COA1: variants seen among roughly 807,000 people sequenced by gnomAD.
COA1 encodes cytochrome c oxidase assembly factor 1 homolog.
In COA1, 13 loss-of-function variants were observed where a neutral mutation model predicts 16.0. That is an observed-to-expected ratio of 0.81 (90% CI 0.53 to 1.29). COA1 has a LOEUF of 1.29. COA1 is among the 50% of genes most tolerant of loss of function. The probability of loss-of-function intolerance (pLI) is 0.00; values close to 1 mark genes in which losing one functional copy is unlikely to be tolerated. For synonymous variants in COA1, 65 were observed against 65.7 expected (o/e 0.99, Z 0.05); for missense variants, 179 against 177.0 (o/e 1.01, Z -0.06).
chr7:43,623,647 C>A, intron 6 of COA1: 2 of 1,607,546 alleles, frequency 1.2e-6, no homozygotes, highest in South Asian at 2.2e-5. Context: ...AAAAATTGAT[C>A]AAATTAGTTT....
chr7:43,692,433 G>A (rs576357013), intron 1 of COA1, among the ~76,000 whole-genome samples: 4 of 152,046 alleles, frequency 2.6e-5, no homozygotes, highest in Non-Finnish European at 5.9e-5. Flanking sequence ...TGGGAAGATC[G>A]ATTGAGCCCA....
intron 1 of COA1, among the ~76,000 whole-genome samples, chr7:43,701,631 G>C (rs2094744653): frequency 6.6e-6 from 1 of 152,082 alleles, no homozygotes; most frequent in Non-Finnish European, 1.5e-5. Context: ...TCAGTAATGA[G>C]ATTGGTAGTT....
chr7:43,616,408 A>T (rs1411887586), intron 6 of COA1, among the ~76,000 whole-genome samples: 1 of 152,154 alleles, frequency 6.6e-6, no homozygotes, highest in Non-Finnish European at 1.5e-5. Context: ...TCTTCCATTC[A>T]TTCACCCAAC....
intron 6 of COA1, among the ~76,000 whole-genome samples, chr7:43,610,346 CAAAAAAAAA>C (rs138859141): frequency 1.7e-4 from 7 of 41,312 alleles, no homozygotes; most frequent in African/African-American, 6.5e-4. Context: ...GACTCCGTCT[CAAAAAAAAA>C]AAAAAAAAAA....
intron 6 of COA1, chr7:43,619,663 T>C (rs1462257064): frequency 6.2e-7 from 1 of 1,614,180 alleles, no homozygotes; most frequent in South Asian, 1.1e-5. Context: ...TTTTGGCCTT[T>C]CAAGAATATT....
intron 6 of COA1, among the ~76,000 whole-genome samples, chr7:43,626,978 T>C (rs1484884951): frequency 6.6e-6 from 1 of 152,188 alleles, no homozygotes; most frequent in Admixed American, 6.5e-5. Context: ...AGAGCCTTCA[T>C]AGTATTAGGC....
chr7:43,698,464 A>C (rs530233330), intron 1 of COA1, among the ~76,000 whole-genome samples: 1 of 152,338 alleles, frequency 6.6e-6, no homozygotes, highest in African/African-American at 2.4e-5. Flanking sequence ...TTGTAATTCA[A>C]GGTTTCCTCG....
intron 1 of COA1, among the ~76,000 whole-genome samples, chr7:43,674,558 T>C (rs1257236127): frequency 6.6e-6 from 1 of 152,220 alleles, no homozygotes; most frequent in Non-Finnish European, 1.5e-5. Flanking sequence ...ACTGCAATGA[T>C]ATTACTGTGG....
At chr7:43,714,865 G>T (rs944462937) in intron 1 of COA1, among the ~76,000 whole-genome samples, 1 of 151,550 alleles carries the variant, frequency 6.6e-6, no homozygotes, top group African/African-American at 2.4e-5. Context: ...AAATTTAGCT[G>T]GACATGGTGG....
chr7:43,728,606 C>T (rs2095669403), intron 1 of COA1, among the ~76,000 whole-genome samples: 2 of 152,162 alleles, frequency 1.3e-5, no homozygotes, highest in Admixed American at 1.3e-4. Flanking sequence ...CCCTGTAGGC[C>T]CTTGAAGTTA....
intron 1 of COA1, among the ~76,000 whole-genome samples, chr7:43,703,175 T>C (rs961428943): frequency 6.6e-6 from 1 of 152,174 alleles, no homozygotes; most frequent in African/African-American, 2.4e-5. Flanking sequence ...TTGAGTTCTA[T>C]TTTTATTGCA....
chr7:43,701,422 A>G (rs1458548458), intron 1 of COA1, among the ~76,000 whole-genome samples: 2 of 152,164 alleles, frequency 1.3e-5, no homozygotes, highest in East Asian at 3.8e-4. Flanking sequence ...AGCTGCATTC[A>G]TGTTGCTGTA....
At chr7:43,611,560 C>T (rs1330497883) in intron 6 of COA1, among the ~76,000 whole-genome samples, 1 of 152,128 alleles carries the variant, frequency 6.6e-6, no homozygotes, top group Non-Finnish European at 1.5e-5. Context: ...TTCAGTGTGT[C>T]ATATGCATAA....
chr7:43,698,494 T>C (rs915663295), intron 1 of COA1, among the ~76,000 whole-genome samples: 3 of 152,214 alleles, frequency 2.0e-5, no homozygotes, highest in African/African-American at 7.2e-5. Flanking sequence ...AACACAGATA[T>C]TGAAAACTTG....
At chr7:43,723,210 T>C (rs2095545798) in intron 1 of COA1, among the ~76,000 whole-genome samples, 2 of 152,200 alleles carry the variant, frequency 1.3e-5, no homozygotes. Flanking sequence ...CATGCAATCT[T>C]AGTTTTCTAA....
At chr7:43,639,907 G>A (rs1331725409) in intron 5 of COA1, among the ~76,000 whole-genome samples, 1 of 152,126 alleles carries the variant, frequency 6.6e-6, no homozygotes, top group Admixed American at 6.5e-5. Flanking sequence ...ACTGACAGGC[G>A]AATGGAAGGG....
intron 1 of COA1, among the ~76,000 whole-genome samples, chr7:43,710,237 T>C (rs1444912863): frequency 2.0e-5 from 3 of 148,630 alleles, no homozygotes; most frequent in Admixed American, 1.4e-4. Context: ...TAATCCCAGC[T>C]ACTTGGGAGG....
intron 1 of COA1, among the ~76,000 whole-genome samples, chr7:43,665,006 G>A (rs2092780649): frequency 6.6e-6 from 1 of 151,970 alleles, no homozygotes. Flanking sequence ...AGTCAAATAG[G>A]TGAATTGCTC....
chr7:43,612,721 G>T (rs1020051958), intron 6 of COA1, among the ~76,000 whole-genome samples: 2 of 152,018 alleles, frequency 1.3e-5, no homozygotes, highest in Non-Finnish European at 2.9e-5. Context: ...CTTAGCTTTG[G>T]TGCAGAGCCT....
Sources: gnomAD v4.1 joint callset for allele counts (sites outside exome capture counted in the v4.1 genomes callset) on GRCh38, gnomAD v4.1.1 for gene constraint, MANE v1.5 for transcripts, NCBI Gene and HGNC (gene_info 2026-07-23, HGNC 2026-07-21) for gene names.